Variants in NEDD4L observed in about 807,000 individuals in gnomAD.
The protein encoded by NEDD4L is NEDD4 like E3 ubiquitin protein ligase.
Under a neutral mutation model 148.9 loss-of-function variants are expected in NEDD4L, and 54 were observed. The ratio of observed to expected loss-of-function variants is 0.36; its 90% CI spans 0.29 to 0.45. The LOEUF (loss-of-function observed/expected upper bound fraction) is 0.45. Ranked by LOEUF, NEDD4L falls within the 20% of genes least tolerant of loss-of-function variation. NEDD4L has a pLI of 1.00. For synonymous variants in NEDD4L, 433 were observed against 440.7 expected (o/e 0.98, Z 0.22); for missense variants, 856 against 1,233.8 (o/e 0.69, Z 4.59).
Position 58,213,729 on chromosome 18 carries a change from A to G in NEDD4L, c.123-31698A>G, listed in dbSNP as rs369811866. Among the ~76,000 whole-genome samples the G allele has an allele frequency of 2.0e-5, 3 of 151,886 alleles. No individual in the cohort carries two copies. The East Asian group carries it at 5.8e-4, about 29-fold the overall frequency. On this transcript the variant is annotated intron_variant, in intron 2 of 30. Coordinates refer to ENST00000400345, the MANE Select transcript of NEDD4L (RefSeq NM_001144967.3). ...GTTAAACATGCTGGCTCCTTCTCTT[A>G]GGTCTTGATTTGGTTTTTGTTGTTG... is the stretch of plus-strand genomic sequence containing the variant.
intron 1 of NEDD4L, among the ~76,000 whole-genome samples, chr18:58,063,664 C>G (rs140283094): frequency 1.6e-4 from 24 of 150,838 alleles, no homozygotes; most frequent in Non-Finnish European, 3.4e-4. Context: ...CTGCCGGGTT[C>G]AAGTGATTCT....
chr18:58,082,102 A>ATATATATATATATATT, intron 1 of NEDD4L, among the ~76,000 whole-genome samples: 1 of 48,832 alleles, frequency 2.0e-5, no homozygotes, highest in African/African-American at 1.3e-4. Flanking sequence ...ATATATATAT[A>ATATATATATATATATT]TTTTTTTTTT....
At chr18:58,385,347 CG>C (rs1477944834) in intron 25 of NEDD4L, among the ~76,000 whole-genome samples, 178 bp from the exon 26 acceptor site, 2 of 152,140 alleles carry the variant, frequency 1.3e-5, no homozygotes, top group African/African-American at 2.4e-5. Context: ...AGGTTTTTCA[CG>C]GGTGTTCCAG....
intron 1 of NEDD4L, among the ~76,000 whole-genome samples, chr18:58,140,586 G>C (rs1337897260): frequency 1.3e-5 from 2 of 152,216 alleles, no homozygotes; most frequent in Non-Finnish European, 2.9e-5. Context: ...GGTGCTGCCT[G>C]CTGTGAAAAT....
chr18:58,339,143 G>T (rs2042132245), intron 13 of NEDD4L, among the ~76,000 whole-genome samples: 1 of 152,098 alleles, frequency 6.6e-6, no homozygotes, highest in African/African-American at 2.4e-5. Context: ...AGTTATGGGA[G>T]GGAAGGGGCC....
intron 1 of NEDD4L, among the ~76,000 whole-genome samples, chr18:58,064,929 C>T (rs558131939): frequency 2.6e-4 from 40 of 152,220 alleles, no homozygotes; most frequent in African/African-American, 9.2e-4. Flanking sequence ...AGCTTGATCC[C>T]GTTTCTTAAA....
intron 2 of NEDD4L, among the ~76,000 whole-genome samples, chr18:58,245,176 T>C (rs550579361): frequency 2.0e-5 from 3 of 152,372 alleles, no homozygotes; most frequent in Middle Eastern, 3.4e-3. Flanking sequence ...TTTCTTGTAA[T>C]CTTTTCAGAC....
intron 19 of NEDD4L, among the ~76,000 whole-genome samples, chr18:58,358,346 C>T (rs1331998324): frequency 6.6e-6 from 1 of 152,174 alleles, no homozygotes; most frequent in African/African-American, 2.4e-5. Flanking sequence ...GCGGCTTAAA[C>T]ACTGCCTTAC....
chr18:58,327,106 T>C (rs1568709581), intron 9 of NEDD4L, among the ~76,000 whole-genome samples: 1 of 152,160 alleles, frequency 6.6e-6, no homozygotes. Context: ...AAAAATGCAG[T>C]TCTTTTTCTG....
chr18:58,236,916 G>A (rs956257720), intron 2 of NEDD4L, among the ~76,000 whole-genome samples: 2 of 151,972 alleles, frequency 1.3e-5, no homozygotes, highest in African/African-American at 4.8e-5. Flanking sequence ...CCAGCTACTC[G>A]GGAGGCTGAG....
intron 24 of NEDD4L, 106 bp downstream of exon 24, chr18:58,373,375 G>A (rs2047145124): frequency 1.5e-6 from 1 of 684,502 alleles, no homozygotes; most frequent in South Asian, 1.6e-5. Context: ...CAACCAGCAG[G>A]AGCTGCAGGT....
At chr18:58,341,001 C>A (rs1490114547) in intron 13 of NEDD4L, 37 bp from the exon 14 acceptor site, 1 of 1,580,540 alleles carries the variant, frequency 6.3e-7, no homozygotes, top group East Asian at 2.3e-5. Flanking sequence ...AAAACAAATG[C>A]AAGGTATTAA....
At chr18:58,148,111 A>G (rs2034298106) in intron 1 of NEDD4L, among the ~76,000 whole-genome samples, 2 of 151,010 alleles carry the variant, frequency 1.3e-5, no homozygotes, top group South Asian at 2.1e-4. Context: ...GAGCTGCCAT[A>G]ACAAAATACC....
chr18:58,119,197 A>G (rs1317470342), intron 1 of NEDD4L, among the ~76,000 whole-genome samples: 1 of 151,888 alleles, frequency 6.6e-6, no homozygotes, highest in Non-Finnish European at 1.5e-5. Flanking sequence ...CTTTGTCCCC[A>G]TCTTTCCCTT....
Position 58,395,726 on chromosome 18 carries a change from C to G in NEDD4L, c.2826-441C>G, listed in dbSNP as rs531152948. 2.6e-5 allele frequency among the ~76,000 whole-genome samples: 4 copies of G among 152,218 alleles called. No homozygotes were observed. In the East Asian group the frequency reaches 7.7e-4, roughly 29 times the overall value. ...CTGTGCAGAATGGAGATAACATGACCTGCTTCATAGGGTTGTGATGAAAAT... is the reference window on the plus strand; with the variant it reads ...CTGTGCAGAATGGAGATAACATGACGTGCTTCATAGGGTTGTGATGAAAAT... On this transcript the variant is annotated intron_variant, in intron 30 of 30. Transcript: ENST00000400345.
chr18:58,181,308 A>G (rs74385439), intron 2 of NEDD4L, among the ~76,000 whole-genome samples: 2,112 of 152,378 alleles, frequency 0.014, 16 homozygotes, highest in Non-Finnish European at 0.019. Flanking sequence ...TCTTCAAATG[A>G]AGAGTACTGT....
rs2047992382 is a variant in NEDD4L, at chr18:58,251,964, C to T, written c.244-37C>T. 4 of 1,184,620 alleles carry T rather than the reference C, an allele frequency of 3.4e-6. No individual in the cohort carries two copies. The South Asian group carries it at 4.9e-5, about 15-fold the overall frequency. 73.4% of individuals were successfully genotyped at this position (1,184,620 alleles called of 1,614,324 possible). On this transcript the variant is annotated intron_variant, in intron 4 of 30. Transcript: ENST00000400345. The stretch of plus-strand genomic sequence containing the variant: ...CCTTACGTCGCTGTTCAAATGATTC[C>T]TGCTCGTTTAAAAAATACTATTTAT...
chr18:58,065,427 T>C (rs1002439684), intron 1 of NEDD4L, among the ~76,000 whole-genome samples: 8 of 152,272 alleles, frequency 5.3e-5, no homozygotes, highest in Admixed American at 6.5e-5. Flanking sequence ...GCTGCCATGC[T>C]TATGGTTGCA....
chr18:58,156,856 G>T (rs2035565816), intron 1 of NEDD4L, among the ~76,000 whole-genome samples: 1 of 151,994 alleles, frequency 6.6e-6, no homozygotes, highest in Non-Finnish European at 1.5e-5. Flanking sequence ...GAAAGAATCT[G>T]GTCTTTTCTA....
Sources: gnomAD v4.1 joint callset for allele counts (sites outside exome capture counted in the v4.1 genomes callset) on GRCh38, gnomAD v4.1.1 for gene constraint, MANE v1.5 for transcripts, NCBI Gene and HGNC (gene_info 2026-07-23, HGNC 2026-07-21) for gene names.